Variants in RARB observed in about 807,000 individuals in gnomAD.
The protein encoded by RARB is retinoic acid receptor beta, also known as HBV-activated protein.
In RARB, 17 loss-of-function variants were observed where a neutral mutation model predicts 51.9. The observed-to-expected ratio is 0.33, with a 90% CI of 0.22 to 0.49. The LOEUF (loss-of-function observed/expected upper bound fraction) is 0.49, where lower values mean the gene tolerates loss of function less well. Among genes scored for constraint, RARB ranks in the 20% least tolerant of loss-of-function variants. The pLI is 0.99. For synonymous variants in RARB, 215 were observed against 195.4 expected, an observed-to-expected ratio of 1.10 and a Z score of -0.84; for missense variants, 369 against 550.8, an observed-to-expected ratio of 0.67 and a Z score of 3.30.
At chr3:25,455,945 ACAT>A (rs1231184516) in intron 1 of RARB, among the ~76,000 whole-genome samples, 1 of 152,210 alleles carries the variant, frequency 6.6e-6, no homozygotes. Flanking sequence ...AACTGAAATC[ACAT>A]CAGGATGGCT....
At chr3:25,089,984 G>A (rs1699168572) in intron 3 of RARB, among the ~76,000 whole-genome samples, 1 of 152,148 alleles carries the variant, frequency 6.6e-6, no homozygotes, top group African/African-American at 2.4e-5. Flanking sequence ...GATGTAGGAT[G>A]TGACTTCTAT....
intron 2 of RARB, among the ~76,000 whole-genome samples, chr3:25,463,864 C>G (rs1695306926): frequency 6.6e-6 from 1 of 152,126 alleles, no homozygotes; most frequent in Non-Finnish European, 1.5e-5. Flanking sequence ...TATGGCAATT[C>G]TCTTTTCTCC....
chr3:24,859,441 G>A (rs980594888), intron 2 of RARB, among the ~76,000 whole-genome samples: 1 of 152,124 alleles, frequency 6.6e-6, no homozygotes, highest in Non-Finnish European at 1.5e-5. Flanking sequence ...ATGCCTTCAG[G>A]TGCCACGTTA....
intron 5 of RARB, among the ~76,000 whole-genome samples, chr3:25,215,549 G>A (rs1205462859): frequency 6.6e-6 from 1 of 152,162 alleles, no homozygotes; most frequent in Non-Finnish European, 1.5e-5. Context: ...GAAGGCCTGT[G>A]GTTGAAGTGC....
chr3:25,033,010 T>TTCCTTCTAC (rs1697907290), intron 2 of RARB, among the ~76,000 whole-genome samples: 1 of 152,212 alleles, frequency 6.6e-6, no homozygotes, highest in Non-Finnish European at 1.5e-5. Flanking sequence ...CACATCAACT[T>TTCCTTCTAC]AAGTCATTCC....
At chr3:25,454,236 T>C (rs1694770304) in intron 1 of RARB, among the ~76,000 whole-genome samples, 1 of 152,256 alleles carries the variant, frequency 6.6e-6, no homozygotes. Context: ...AGTTGAACTT[T>C]GGCGTTTCCT....
chr3:25,284,850 G>C (rs1353855810), intron 5 of RARB, among the ~76,000 whole-genome samples: 1 of 152,188 alleles, frequency 6.6e-6, no homozygotes, highest in East Asian at 1.9e-4. Context: ...CTAACATTTT[G>C]TATATGTGGG....
intron 2 of RARB, among the ~76,000 whole-genome samples, chr3:25,048,148 C>G (rs889713360): frequency 3.3e-5 from 5 of 152,206 alleles, no homozygotes; most frequent in Non-Finnish European, 5.9e-5. Context: ...TACCCATTCT[C>G]AGGTATGTCT....
At chr3:25,463,808 A>G (rs535583931) in intron 2 of RARB, among the ~76,000 whole-genome samples, 1 of 152,322 alleles carries the variant, frequency 6.6e-6, no homozygotes, top group African/African-American at 2.4e-5. Flanking sequence ...TGGGAAATTC[A>G]TTAAAGGCTT....
At chr3:25,031,173 TA>T (rs1256199130) in intron 2 of RARB, among the ~76,000 whole-genome samples, 1 of 152,124 alleles carries the variant, frequency 6.6e-6, no homozygotes, top group African/African-American at 2.4e-5. Flanking sequence ...GACAACCAAA[TA>T]AAAATATGTG....
At chr3:24,897,453 C>T (rs1703501487) in intron 2 of RARB, among the ~76,000 whole-genome samples, 1 of 152,134 alleles carries the variant, frequency 6.6e-6, no homozygotes, top group South Asian at 2.1e-4. Context: ...AATATCTCAC[C>T]TCTATTTTAA....
intron 2 of RARB, among the ~76,000 whole-genome samples, chr3:25,484,935 G>C (rs919040692): frequency 1.3e-5 from 2 of 152,050 alleles, no homozygotes; most frequent in East Asian, 3.9e-4. Flanking sequence ...AGCTGGGAAG[G>C]TTATAAATAT....
intron 2 of RARB, among the ~76,000 whole-genome samples, chr3:24,864,903 T>C (rs1165138469): frequency 1.3e-5 from 2 of 152,186 alleles, no homozygotes; most frequent in Non-Finnish European, 2.9e-5. Flanking sequence ...TATTTGCATT[T>C]GTAATAACTT....
At chr3:25,033,879 G>A (rs1697929618) in intron 2 of RARB, among the ~76,000 whole-genome samples, 1 of 152,172 alleles carries the variant, frequency 6.6e-6, no homozygotes, top group African/African-American at 2.4e-5. Flanking sequence ...ATTCAAGAAC[G>A]TACATGGGTG....
rs377387582 is a variant in RARB, at chr3:25,354,422, G to A, written c.179-106771G>A. 3.1e-4 allele frequency among the ~76,000 whole-genome samples: 47 copies of A among 152,024 alleles called. 1 individual carries two copies. Among genetic ancestry groups the A allele is most frequent in the East Asian group, 2.1e-3 (11 of 5,168 alleles). ...CTCTTGGGGGTGGTCTGTTCTTCTC[G>A]TTTCTAAAACTTATATCAACATCCT... is the stretch of plus-strand genomic sequence containing the variant. On this transcript the variant is annotated intron_variant, in intron 5 of 11. Coordinates refer to the RARB transcript ENST00000383772.
chr3:25,249,159 A>G (rs764424586), intron 5 of RARB, among the ~76,000 whole-genome samples: 1 of 151,782 alleles, frequency 6.6e-6, no homozygotes, highest in African/African-American at 2.4e-5. Context: ...TATCTGGTTT[A>G]TTTCAGACAA....
chr3:25,169,952 C>T (rs1471423965), intron 4 of RARB, among the ~76,000 whole-genome samples: 3 of 147,360 alleles, frequency 2.0e-5, no homozygotes, highest in Non-Finnish European at 3.0e-5. Flanking sequence ...TGTGCTGCTG[C>T]ACGCCAGCCT....
intron 2 of RARB, among the ~76,000 whole-genome samples, chr3:24,891,344 T>C (rs1031549870): frequency 6.6e-6 from 1 of 152,168 alleles, no homozygotes; most frequent in Admixed American, 6.5e-5. Context: ...TGGAAGCTTG[T>C]CTGTTCTGCT....
chr3:25,165,173 T>G (rs191128478), intron 4 of RARB, among the ~76,000 whole-genome samples: 3 of 152,248 alleles, frequency 2.0e-5, no homozygotes, highest in Admixed American at 1.3e-4. Flanking sequence ...AGAATGCCGT[T>G]CTTGACACTA....
Sources: gnomAD v4.1 joint callset for allele counts (sites outside exome capture counted in the v4.1 genomes callset) on GRCh38, gnomAD v4.1.1 for gene constraint, MANE v1.5 for transcripts, NCBI Gene and HGNC (gene_info 2026-07-23, HGNC 2026-07-21) for gene names.